Variants in UBR3 observed in about 807,000 individuals in gnomAD.
UBR3 encodes E3 ubiquitin-protein ligase UBR3.
A neutral mutation model predicts 243.2 loss-of-function variants in UBR3; 85 were observed. The observed-to-expected ratio is 0.35, with a 90% CI of 0.29 to 0.42. The LOEUF is 0.42. UBR3 is among the 10% of genes least tolerant of loss of function. The pLI is 1.00. For synonymous variants in UBR3, 748 were observed against 799.8 expected (o/e 0.94, Z 1.09); for missense variants, 1,686 against 2,300.8 (o/e 0.73, Z 5.47).
chr2:169,828,077 G>C, intron 1 of UBR3, 25 bp downstream of exon 1: 1 of 1,357,534 alleles, frequency 7.4e-7, no homozygotes, highest in Non-Finnish European at 9.5e-7. Context: ...CCCCGCGGGC[G>C]AGGCGACCCT....
intron 36 of UBR3, chr2:170,077,681 G>GTTCAAGTGATT: frequency 2.8e-6 from 1 of 353,750 alleles, no homozygotes; most frequent in Non-Finnish European, 5.1e-6. Context: ...AGCCTCCTGG[G>GTTCAAGTGATT]TTCAAGTGAT....
chr2:169,986,176 G>C (rs956442143), intron 24 of UBR3, among the ~76,000 whole-genome samples: 1 of 152,104 alleles, frequency 6.6e-6, no homozygotes, highest in Non-Finnish European at 1.5e-5. Context: ...ATAATCACTA[G>C]AATTGAGAGT....
chr2:169,935,823 C>T (rs952428282), intron 19 of UBR3, among the ~76,000 whole-genome samples: 8 of 152,014 alleles, frequency 5.3e-5, no homozygotes, highest in African/African-American at 1.9e-4. Flanking sequence ...ATTACTTGGG[C>T]CTTCAACAAA....
chr2:170,024,821 T>G (rs186788063), intron 30 of UBR3, among the ~76,000 whole-genome samples: 3 of 152,284 alleles, frequency 2.0e-5, no homozygotes, highest in Admixed American at 2.0e-4. Context: ...ACTTTAGACT[T>G]GTCACAGTTG....
chr2:169,936,338 C>T (rs1258891745), intron 19 of UBR3, among the ~76,000 whole-genome samples: 1 of 152,020 alleles, frequency 6.6e-6, no homozygotes, highest in African/African-American at 2.4e-5. Flanking sequence ...GGATTACAGG[C>T]GTGAACCACC....
Position 170,007,204 on chromosome 2 carries a change from T to A in UBR3, c.4230+14T>A, listed in dbSNP as rs1176844494. The A allele has an allele frequency of 1.3e-6, 2 of 1,576,136 alleles. No homozygotes were observed. ...GGAGCTTTCCCAGTAAGCATCAGTG[T>A]AAGGCATAAATATCCTGGTTAACTC... On this transcript the variant is annotated intron_variant, in intron 28 of 38. Coordinates refer to ENST00000272793, the MANE Select transcript of UBR3 (RefSeq NM_172070.4).
intron 32 of UBR3, among the ~76,000 whole-genome samples, chr2:170,043,859 GATA>G (rs2091023365): frequency 6.6e-6 from 1 of 152,134 alleles, no homozygotes; most frequent in African/African-American, 2.4e-5. Flanking sequence ...GGATTATCTT[GATA>G]TTAGATTATA....
At chr2:170,018,997 T>C (rs2090319157) in intron 30 of UBR3, among the ~76,000 whole-genome samples, 1 of 152,210 alleles carries the variant, frequency 6.6e-6, no homozygotes. Flanking sequence ...GATAAATTAT[T>C]AATATTGGAG....
intron 8 of UBR3, among the ~76,000 whole-genome samples, chr2:169,900,872 G>A (rs552004671): frequency 6.6e-6 from 1 of 151,988 alleles, no homozygotes; most frequent in South Asian, 2.1e-4. Flanking sequence ...TGTAGACATA[G>A]TCCTAGTTTT....
intron 27 of UBR3, among the ~76,000 whole-genome samples, chr2:170,004,485 AG>A (rs2089834491): frequency 6.6e-5 from 10 of 151,920 alleles, no homozygotes; most frequent in Admixed American, 6.6e-4. Flanking sequence ...GTGATGGGAG[AG>A]GGCAGGATGC....
chr2:169,837,865 T>C (rs1482929993), intron 1 of UBR3, among the ~76,000 whole-genome samples: 2 of 152,240 alleles, frequency 1.3e-5, no homozygotes, highest in East Asian at 3.8e-4. Context: ...GATTCACTTA[T>C]TGAACATTTT....
At chr2:170,021,358 T>TG (rs897256709) in intron 30 of UBR3, among the ~76,000 whole-genome samples, 7 of 152,136 alleles carry the variant, frequency 4.6e-5, no homozygotes, top group African/African-American at 1.7e-4. Context: ...ATCTGGAGGC[T>TG]GGGAAGTCTA....
At chr2:170,034,520 A>G (rs762903052) in intron 31 of UBR3, among the ~76,000 whole-genome samples, 10 of 151,932 alleles carry the variant, frequency 6.6e-5, no homozygotes, top group Non-Finnish European at 1.5e-4. Context: ...GCTCATTTCT[A>G]TATAATAGAA....
chr2:169,878,025 C>T (rs1249658818), intron 4 of UBR3, among the ~76,000 whole-genome samples: 1 of 152,092 alleles, frequency 6.6e-6, no homozygotes, highest in Non-Finnish European at 1.5e-5. Flanking sequence ...CTGGAGAATT[C>T]CTATTGAAGT....
At chr2:170,061,565 T>G in intron 35 of UBR3, 122 bp downstream of exon 35, 2 of 1,218,160 alleles carry the variant, frequency 1.6e-6, no homozygotes, top group Non-Finnish European at 2.3e-6. Flanking sequence ...CCTGCCAGGT[T>G]CAAGCAATCC....
chr2:169,922,839 C>A (rs1172109901), intron 11 of UBR3, among the ~76,000 whole-genome samples: 2 of 152,006 alleles, frequency 1.3e-5, no homozygotes, highest in Non-Finnish European at 2.9e-5. Flanking sequence ...ATAGCCTTTA[C>A]ATATTGAAGA....
chr2:170,049,258 CATT>C (rs1365842664), intron 32 of UBR3, among the ~76,000 whole-genome samples: 2 of 152,106 alleles, frequency 1.3e-5, no homozygotes, highest in Non-Finnish European at 2.9e-5. Flanking sequence ...GAAAAGAAAA[CATT>C]ATTAAGAAAA....
At chr2:169,964,927 T>TTC (rs1252221466) in intron 24 of UBR3, 1 of 456,902 alleles carries the variant, frequency 2.2e-6, no homozygotes, top group Non-Finnish European at 4.4e-6. Context: ...GAGCTCTACT[T>TTC]TCTCCCAGTC....
intron 1 of UBR3, among the ~76,000 whole-genome samples, chr2:169,850,929 AAAT>A (rs1462340160): frequency 2.0e-5 from 3 of 152,114 alleles, no homozygotes; most frequent in Admixed American, 1.3e-4. Context: ...ACATAATAAA[AAAT>A]ATTTTCTTTT....
Sources: gnomAD v4.1 joint callset for allele counts (sites outside exome capture counted in the v4.1 genomes callset) on GRCh38, gnomAD v4.1.1 for gene constraint, MANE v1.5 for transcripts, NCBI Gene and HGNC (gene_info 2026-07-23, HGNC 2026-07-21) for gene names.